ITIH5: variants seen among roughly 807,000 people sequenced by gnomAD.
ITIH5 encodes the protein inter-alpha-trypsin inhibitor heavy chain H5.
ITIH5 carries 65 observed loss-of-function variants against 77.5 expected under a neutral mutation model. The observed-to-expected ratio is 0.84, with a 90% CI of 0.69 to 1.03. ITIH5 has a LOEUF of 1.03. Among genes scored for constraint, ITIH5 ranks in the 50% least tolerant of loss-of-function variants. The pLI is 0.00. For synonymous variants in ITIH5, 525 were observed against 494.3 expected (o/e 1.06, Z -0.82); for missense variants, 1,208 against 1,213.1 (o/e 1.00, Z 0.06).
At chr10:7,594,438 G>T (rs1249931930) in intron 7 of ITIH5, among the ~76,000 whole-genome samples, 1 of 152,138 alleles carries the variant, frequency 6.6e-6, no homozygotes, top group Non-Finnish European at 1.5e-5. Context: ...GCTTGAGACA[G>T]GTACCCCCAA....
chr10:7,583,943 A>G (rs1455633659), intron 8 of ITIH5, among the ~76,000 whole-genome samples: 5 of 152,212 alleles, frequency 3.3e-5, no homozygotes, highest in Non-Finnish European at 7.3e-5. Context: ...TGAGTGGGTG[A>G]AAATAATGGC....
At chr10:7,645,379 C>T (rs1833995150) in intron 2 of ITIH5, among the ~76,000 whole-genome samples, 1 of 152,166 alleles carries the variant, frequency 6.6e-6, no homozygotes, top group Non-Finnish European at 1.5e-5. Context: ...CCAGCAGCAT[C>T]ACCATCACCT....
chr10:7,587,061 C>T (rs1270246016), intron 7 of ITIH5, among the ~76,000 whole-genome samples: 2 of 152,046 alleles, frequency 1.3e-5, no homozygotes, highest in Non-Finnish European at 2.9e-5. Context: ...AACTCCTGAG[C>T]TCAGGCAATC....
intron 12 of ITIH5, among the ~76,000 whole-genome samples, chr10:7,567,217 G>C (rs1253713845): frequency 6.6e-6 from 1 of 151,974 alleles, no homozygotes; most frequent in Non-Finnish European, 1.5e-5. Context: ...TACCATGTTC[G>C]TCTGGTTTCC....
At chr10:7,587,455 G>C (rs1010374062) in intron 7 of ITIH5, among the ~76,000 whole-genome samples, 3 of 152,192 alleles carry the variant, frequency 2.0e-5, no homozygotes, top group Non-Finnish European at 4.4e-5. Context: ...AAGTTGAAGA[G>C]CACAGGCTTC....
Position 7,569,762 on chromosome 10 carries a change from A to G in ITIH5, c.2055T>C (p.Val685=). ...TGAGTCTGCTCAGGGGGAAATCCAC[A>G]ACAAAGTGGGGATCACCATCCACTG... ...KTSVDGDPHF[V]VDFPLSRLTV... is the part of the protein sequence containing the mutation. The change falls in exon 12 of 14, where the codon GTT becomes GTC. Residue 685 remains valine (V), a synonymous_variant. Coordinates refer to ENST00000397146, the MANE Select transcript of ITIH5 (RefSeq NM_030569.7). 1 of 1,609,878 alleles carries G rather than the reference A, an allele frequency of 6.2e-7. No homozygotes were observed.
At position 7,641,910 on chromosome 10, in the gene ITIH5, A is replaced by T. The variant is rs41382649; in HGVS notation, c.299+17T>A. 0.27 allele frequency: 432,686 copies of T among 1,612,072 alleles called. 61,720 individuals are homozygous for T. The highest frequency in any genetic ancestry group is 0.3 in the Non-Finnish European group (348,448 of 1,178,356). On this transcript the variant is annotated intron_variant, in intron 3 of 13. Coordinates refer to ENST00000397146, the MANE Select transcript of ITIH5 (RefSeq NM_030569.7). ...CCCTAGGCAGAAATCTTCATCCCTG[A>T]CCAGCGTGTCACCTACATAGTGAAG...
At chr10:7,598,135 C>G (rs1388935498) in intron 7 of ITIH5, among the ~76,000 whole-genome samples, 3 of 152,160 alleles carry the variant, frequency 2.0e-5, no homozygotes, top group African/African-American at 7.2e-5. Context: ...TAAAGGAAAT[C>G]AATGATCGTG....
At chr10:7,622,628 C>T (rs756821111) in intron 5 of ITIH5, among the ~76,000 whole-genome samples, 4 of 151,714 alleles carry the variant, frequency 2.6e-5, no homozygotes, top group Non-Finnish European at 4.4e-5. Flanking sequence ...TTTAAAAGGA[C>T]AGACACATAA....
intron 7 of ITIH5, among the ~76,000 whole-genome samples, chr10:7,597,274 T>C (rs759473700): frequency 6.6e-6 from 1 of 152,132 alleles, no homozygotes; most frequent in Admixed American, 6.6e-5. Context: ...CAGGTGTCTG[T>C]ACTGTCCTTG....
intron 7 of ITIH5, among the ~76,000 whole-genome samples, chr10:7,613,905 T>A (rs1833310473): frequency 6.6e-6 from 1 of 152,124 alleles, no homozygotes; most frequent in South Asian, 2.1e-4. Flanking sequence ...AACACCTCCA[T>A]CCCTGAAAAT....
rs1832054159 is a variant in ITIH5, at chr10:7,562,310, G to T, written c.*773C>A. 6.6e-6 allele frequency: 1 copy of T among 152,178 alleles called. No individual in the cohort carries two copies. Among genetic ancestry groups the T allele is most frequent in the Non-Finnish European group, 1.5e-5 (1 of 68,050 alleles). The allele number at this position is 152,178 out of a possible 1,614,324, so 9.4% of individuals were successfully genotyped here. ...CCAGTAAAATCAACCACATGGAGTT[G>T]TCCTGTGTATGAAAAGCCCTTAGCT... On this transcript the variant is annotated 3_prime_UTR_variant, in exon 14 of 14. Coordinates refer to ENST00000397146, the MANE Select transcript of ITIH5 (RefSeq NM_030569.7).
intron 11 of ITIH5, among the ~76,000 whole-genome samples, chr10:7,571,135 C>G (rs1832288893): frequency 6.6e-6 from 1 of 152,150 alleles, no homozygotes; most frequent in Non-Finnish European, 1.5e-5. Flanking sequence ...TGGGAAGTGC[C>G]TCAACTTCCC....
intron 9 of ITIH5, among the ~76,000 whole-genome samples, chr10:7,579,296 C>A (rs183846340): frequency 2.6e-5 from 4 of 152,280 alleles, no homozygotes; most frequent in Admixed American, 2.0e-4. Flanking sequence ...GAGGCCAAGG[C>A]GGGCAGATCA....
intron 5 of ITIH5, among the ~76,000 whole-genome samples, chr10:7,630,120 G>A (rs535786298): frequency 7.7e-4 from 117 of 152,258 alleles, no homozygotes; most frequent in African/African-American, 2.5e-3. Flanking sequence ...AGGTGTAGTC[G>A]TATGACTTTC....
At position 7,559,670 on chromosome 10, in the gene ITIH5, G is replaced by A; in HGVS notation, c.*3413C>T. The A allele has an allele frequency of 2.8e-6, 1 of 353,644 alleles. No homozygotes were observed. Among genetic ancestry groups the A allele is most frequent in the Non-Finnish European group, 5.5e-6 (1 of 181,386 alleles). The allele number at this position is 353,644 out of a possible 1,614,324, so 21.9% of individuals were successfully genotyped here. A position where few individuals can be genotyped will look rare whatever the true frequency, so the allele number is the denominator to read the frequency against. ...GCCTTAACAAGAATACCACAGACTT[G>A]AGTAGCTTAAACAAAACACATTTAT... On this transcript the variant is annotated 3_prime_UTR_variant, in exon 14 of 14. Transcript: ENST00000397146.
intron 7 of ITIH5, among the ~76,000 whole-genome samples, chr10:7,589,282 A>G (rs770779756): frequency 6.6e-6 from 1 of 152,014 alleles, no homozygotes; most frequent in Non-Finnish European, 1.5e-5. Flanking sequence ...ATGTGGTAAA[A>G]CCATGTCTCT....
At position 7,640,666 on chromosome 10, in the gene ITIH5, G is replaced by T. The variant is rs958066328; in HGVS notation, c.401+88C>A. On this transcript the variant is annotated intron_variant, in intron 4 of 13. Transcript: ENST00000397146. ...AAAGAGAAAAGTATTTGGAGGAAAG[G>T]AAGACGACAAGAGGAGTAGGCAAAG... The T allele has an allele frequency of 7.8e-6, 6 of 764,468 alleles. No individual in the cohort carries two copies. The African/African-American group carries it at 8.8e-5, about 11-fold the overall frequency. The allele number at this position is 764,468 out of a possible 1,614,324, so 47.4% of individuals were successfully genotyped here.
At chr10:7,577,056 C>A in intron 9 of ITIH5, 44 bp from the exon 10 acceptor site, 1 of 1,534,806 alleles carries the variant, frequency 6.5e-7, no homozygotes. Flanking sequence ...GGGCCCTGCT[C>A]TGACAGCAGG....
Sources: allele counts gnomAD v4.1 joint callset (sites outside exome capture counted in the v4.1 genomes callset), GRCh38; gene constraint gnomAD v4.1.1; transcripts MANE v1.5; gene names NCBI Gene and HGNC (gene_info 2026-07-23, HGNC 2026-07-21).